PTCH1: variants seen among roughly 807,000 people sequenced by gnomAD.
PTCH1 encodes protein patched homolog 1.
A neutral mutation model predicts 144.6 loss-of-function variants in PTCH1; 14 were observed. The ratio of observed to expected loss-of-function variants is 0.10; its 90% CI spans 0.06 to 0.15. PTCH1 has a LOEUF of 0.15. Among genes scored for constraint, PTCH1 ranks in the 10% least tolerant of loss-of-function variants. The pLI, the probability that PTCH1 is intolerant of heterozygous loss-of-function variation, is 1.00. For missense variants in PTCH1, 1,623 were observed against 1,948.3 expected (o/e 0.83, Z 3.14); for synonymous variants, 833 against 793.6 (o/e 1.05, Z -0.83).
intron 18 of PTCH1, among the ~76,000 whole-genome samples, chr9:95,457,763 G>A (rs1190271019): frequency 1.3e-5 from 2 of 152,130 alleles, no homozygotes; most frequent in Non-Finnish European, 2.9e-5. Context: ...GTGATGGAAG[G>A]TGTGCTTTAA....
rs1347311943 is a variant in PTCH1 at position 95,476,453 on chromosome 9, ACAGACATCTC to A, written c.1602+296_1603-295del. Among the ~76,000 whole-genome samples the A allele has an allele frequency of 2.6e-5, 4 of 152,332 alleles. No homozygotes were observed. The highest frequency in any genetic ancestry group is 2.6e-4 in the Admixed American group (4 of 15,296). ...AGTGGAGGGAGGTGATGGCTAAGTG[ACAGACATCTC>A]CAGAGAAGCAAATGCAGGCTCTGGG... On this transcript the variant is annotated intron_variant, in intron 11 of 23. Coordinates refer to ENST00000331920, the MANE Select transcript of PTCH1 (RefSeq NM_000264.5). This position sits in a 1 kb window ranked among gnomAD's most constrained non-coding sequence, Gnocchi z 4.6.
intron 12 of PTCH1, among the ~76,000 whole-genome samples, chr9:95,472,948 T>C (rs1840709632): frequency 6.6e-6 from 1 of 152,182 alleles, no homozygotes; most frequent in South Asian, 2.1e-4. Context: ...TGTGAATCAA[T>C]TCTAGTTATT....
At chr9:95,510,742 G>A (rs1053967245), upstream of PTCH1, among the ~76,000 whole-genome samples, 3 of 150,996 alleles carry the variant, frequency 2.0e-5, no homozygotes, top group Non-Finnish European at 3.0e-5. Flanking sequence ...GAAAAAAAAA[G>A]AAGAAAGAAA....
intron 20 of PTCH1, chr9:95,452,768 A>G (rs1838575364): frequency 6.5e-6 from 1 of 153,202 alleles, no homozygotes; most frequent in African/African-American, 2.4e-5. Context: ...TTCACTTCTT[A>G]AAAGAATAAA....
At chr9:95,461,060 A>C (rs183077795) in intron 16 of PTCH1, among the ~76,000 whole-genome samples, 1 of 152,258 alleles carries the variant, frequency 6.6e-6, no homozygotes, top group African/African-American at 2.4e-5. Context: ...AAGGTGAAGC[A>C]AGCAAGCTAC....
intron 2 of PTCH1, among the ~76,000 whole-genome samples, chr9:95,493,273 T>C (rs186970678): frequency 6.6e-6 from 1 of 152,340 alleles, no homozygotes; most frequent in East Asian, 1.9e-4. Context: ...TCTGTGTCAT[T>C]CACACAAAAA....
chr9:95,463,348 CTG>C (rs1839705987), intron 15 of PTCH1, among the ~76,000 whole-genome samples: 2 of 151,592 alleles, frequency 1.3e-5, no homozygotes, highest in East Asian at 1.9e-4. Flanking sequence ...TGAAAGGAGT[CTG>C]TGTCAGGGTG....
upstream of PTCH1, among the ~76,000 whole-genome samples, chr9:95,510,878 C>T (rs1844116094): frequency 6.6e-6 from 1 of 151,102 alleles, no homozygotes; most frequent in African/African-American, 2.4e-5. Context: ...TCCCGGACTC[C>T]CCGCGCCCGC....
At chr9:95,499,118 A>C (rs576923043) in intron 2 of PTCH1, among the ~76,000 whole-genome samples, 1 of 152,224 alleles carries the variant, frequency 6.6e-6, no homozygotes, top group Non-Finnish European at 1.5e-5. Flanking sequence ...CAGGGGACCA[A>C]GACTTATTTC....
At position 95,509,162 on chromosome 9, in the gene PTCH1, G is replaced by A. The variant is rs1168767981; in HGVS notation, c.-801C>T. Among the ~76,000 whole-genome samples the A allele has an allele frequency of 6.6e-6, 1 of 151,962 alleles. No individual in the cohort carries two copies. Among genetic ancestry groups the A allele is most frequent in the Non-Finnish European group, 1.5e-5 (1 of 67,974 alleles). On this transcript the variant is annotated 5_prime_UTR_variant, in exon 1 of 24. Coordinates refer to ENST00000331920, the MANE Select transcript of PTCH1 (RefSeq NM_000264.5). The stretch of plus-strand genomic sequence containing the variant: ...GACTCCGCTCTGTGTGTGTGCAGCG[G>A]GCAGCGGCCGCAGCAGCTCCTTGAT...
intron 19 of PTCH1, among the ~76,000 whole-genome samples, chr9:95,454,637 G>A (rs550042731): frequency 3.9e-5 from 6 of 152,354 alleles, no homozygotes; most frequent in Admixed American, 6.5e-5. Flanking sequence ...TTTGGGCCAT[G>A]AGGCCATAAG....
In PTCH1 at chr9:95,467,205, C is replaced by T. The variant is rs2117955248; in HGVS notation, c.2471G>A (p.Arg824Lys). 1 of 1,614,204 alleles carries T rather than the reference C, an allele frequency of 6.2e-7. No homozygotes were observed. The highest frequency in any genetic ancestry group is 8.5e-7 in the Non-Finnish European group (1 of 1,180,038). ...NIQHLLYDLH[R>K]SFSNVKYVML... Reference sequence around the variant, plus strand: ...GACATACTTCACGTTACTGAAACTCCTGTGTAGGTCGTAAAGTAAGTGCTG... The same window carrying T: ...GACATACTTCACGTTACTGAAACTCTTGTGTAGGTCGTAAAGTAAGTGCTG... The change falls in exon 15 of 24, where the codon AGG becomes AAG. Residue 824 changes from arginine to lysine, a missense_variant. Transcript: ENST00000331920.
intron 15 of PTCH1, among the ~76,000 whole-genome samples, chr9:95,464,644 T>C (rs1444803532): frequency 6.6e-6 from 1 of 152,202 alleles, no homozygotes. Flanking sequence ...TGTTTTAAGA[T>C]GTGACATGTG....
At chr9:95,457,326 A>T (rs1839030055) in intron 18 of PTCH1, among the ~76,000 whole-genome samples, 1 of 152,234 alleles carries the variant, frequency 6.6e-6, no homozygotes, top group South Asian at 2.1e-4. Context: ...AAACTCTCAC[A>T]GACTAAACAT....
At chr9:95,505,846 C>G (rs1843541181) in intron 2 of PTCH1, among the ~76,000 whole-genome samples, 1 of 150,130 alleles carries the variant, frequency 6.7e-6, no homozygotes, top group Non-Finnish European at 1.5e-5. Flanking sequence ...AAAAACAGGA[C>G]CACACACGCC....
rs1588596061 is a variant in PTCH1 at position 95,476,031 on chromosome 9, C to T, written c.1728+3G>A. The T allele has an allele frequency of 6.2e-7, 1 of 1,613,544 alleles. No individual in the cohort carries two copies. Among genetic ancestry groups the T allele is most frequent in the African/African-American group, 1.3e-5 (1 of 74,926 alleles). ...ACCACAGCCTTCATCACCAGAAGCTCACCTGGAGGGAGAACGCCCGCAGAG... is the reference window on the plus strand; with the variant it reads ...ACCACAGCCTTCATCACCAGAAGCTTACCTGGAGGGAGAACGCCCGCAGAG... On this transcript the variant is annotated splice_donor_region_variant and intron_variant, in intron 12 of 23. Transcript: ENST00000331920. This position sits in a 1 kb window ranked among gnomAD's most constrained non-coding sequence, Gnocchi z 4.6.
intron 1 of PTCH1, chr9:95,507,837 C>T: frequency 1.0e-6 from 1 of 995,056 alleles, no homozygotes; most frequent in Non-Finnish European, 1.3e-6. Flanking sequence ...CGCGGCCGCC[C>T]TTGAGGTGGT....
intron 12 of PTCH1, among the ~76,000 whole-genome samples, chr9:95,473,802 A>T (rs975745371): frequency 2.0e-5 from 3 of 151,640 alleles, no homozygotes; most frequent in Non-Finnish European, 4.4e-5. Flanking sequence ...TCGGCCTCCC[A>T]AAGTGCTGGG....
At chr9:95,488,831 G>A (rs1452015585) in intron 2 of PTCH1, among the ~76,000 whole-genome samples, 1 of 152,224 alleles carries the variant, frequency 6.6e-6, no homozygotes, top group Non-Finnish European at 1.5e-5. Flanking sequence ...AAATGGGATA[G>A]CAGGGAAGAC....
Sources: gnomAD v4.1 joint callset for allele counts (sites outside exome capture counted in the v4.1 genomes callset) on GRCh38, gnomAD v4.1.1 for gene constraint, Gnocchi (gnomAD v3.1) non-coding constraint, MANE v1.5 for transcripts, NCBI Gene and HGNC (gene_info 2026-07-23, HGNC 2026-07-21) for gene names.